The following HOPX variants were observed in gnomAD, a reference collection of about 807,000 sequenced individuals.
HOPX encodes homeodomain-only protein.
In HOPX, 5 loss-of-function variants were observed where a neutral mutation model predicts 11.8. That is an observed-to-expected ratio of 0.43 (90% CI 0.22 to 0.89). The LOEUF (loss-of-function observed/expected upper bound fraction) is 0.89, where lower values mean the gene tolerates loss of function less well. Among genes scored for constraint, HOPX ranks in the 40% least tolerant of loss-of-function variants. The probability of loss-of-function intolerance (pLI) is 0.28; values close to 1 mark genes in which losing one functional copy is unlikely to be tolerated. For synonymous variants in HOPX, 49 were observed against 49.7 expected, an observed-to-expected ratio of 0.99 and a Z score of 0.06; for missense variants, 119 against 120.0, an observed-to-expected ratio of 0.99 and a Z score of 0.04.
chr4:56,671,820 C>T (rs1021364950), intron 1 of HOPX, among the ~76,000 whole-genome samples: 4 of 152,070 alleles, frequency 2.6e-5, no homozygotes, highest in African/African-American at 9.7e-5. Context: ...TCAGAAGACC[C>T]GGAGTCTCCT....
intron 1 of HOPX, chr4:56,679,468 T>G (rs573448375): frequency 4.6e-5 from 7 of 151,344 alleles, no homozygotes; most frequent in Non-Finnish European, 8.8e-5. Flanking sequence ...ACCATGGATC[T>G]TCTTTCTTTC....
chr4:56,662,573 G>C (rs1490939646), intron 1 of HOPX: 1 of 151,252 alleles, frequency 6.6e-6, no homozygotes, highest in Admixed American at 6.6e-5. Flanking sequence ...TCCGCCCCCC[G>C]GGTTCAAGCG....
intron 1 of HOPX, chr4:56,679,631 C>G (rs1214693948): frequency 6.6e-6 from 1 of 152,198 alleles, no homozygotes; most frequent in Non-Finnish European, 1.5e-5. Context: ...GTGCCCACCA[C>G]CAAGCCCGCC....
chr4:56,671,897 TCATC>T (rs1718754862), intron 1 of HOPX, among the ~76,000 whole-genome samples: 2 of 152,102 alleles, frequency 1.3e-5, no homozygotes, highest in African/African-American at 4.8e-5. Flanking sequence ...GACGTCCATT[TCATC>T]ATCTACTATT....
In HOPX at chr4:56,648,021, T is replaced by C. The variant is rs1560357055; in HGVS notation, c.*699A>G. The stretch of plus-strand genomic sequence containing the variant: ...TCTTCAACAAAAAGTTAAGGTTTTA[T>C]TTAGAATATCATTTTAGAGACAAAA... On this transcript the variant is annotated 3_prime_UTR_variant, in exon 4 of 4. Coordinates refer to ENST00000420433, the MANE Select transcript of HOPX (RefSeq NM_032495.6). 1.3e-5 allele frequency: 2 copies of C among 152,216 alleles called. No individual in the cohort carries two copies. Among genetic ancestry groups the C allele is most frequent in the Non-Finnish European group, 2.9e-5 (2 of 68,044 alleles). 9.4% of individuals were successfully genotyped at this position (152,216 alleles called of 1,614,324 possible).
chr4:56,667,304 G>A (rs895145125), intron 1 of HOPX, among the ~76,000 whole-genome samples: 1 of 152,132 alleles, frequency 6.6e-6, no homozygotes, highest in Non-Finnish European at 1.5e-5. Flanking sequence ...TGGTGTTTTA[G>A]GACGTTAGAC....
intron 1 of HOPX, among the ~76,000 whole-genome samples, chr4:56,672,391 T>TAGCC (rs1169970082): frequency 6.6e-6 from 1 of 151,614 alleles, no homozygotes. Context: ...ATACAAAAAT[T>TAGCC]AGCCAGGCAT....
intron 1 of HOPX, chr4:56,678,798 T>G (rs567692422): frequency 6.6e-6 from 1 of 151,906 alleles, no homozygotes; most frequent in Admixed American, 6.6e-5. Flanking sequence ...CCACAACCAC[T>G]AGGTTAGATT....
At chr4:56,667,066 T>C (rs1718475710) in intron 1 of HOPX, among the ~76,000 whole-genome samples, 1 of 152,220 alleles carries the variant, frequency 6.6e-6, no homozygotes, top group African/African-American at 2.4e-5. Context: ...AAGGAACTGT[T>C]GAGGACTGTA....
intron 1 of HOPX, 74 bp downstream of exon 1, chr4:56,681,181 C>G: frequency 5.2e-6 from 5 of 966,746 alleles, no homozygotes; most frequent in Non-Finnish European, 6.1e-6. Context: ...AATACGGTAA[C>G]GATAGCATTT....
chr4:56,669,615 C>T (rs1382373643), intron 1 of HOPX, among the ~76,000 whole-genome samples: 1 of 151,762 alleles, frequency 6.6e-6, no homozygotes, highest in African/African-American at 2.4e-5. Context: ...GCCAAGATCA[C>T]ACCACTGCAC....
chr4:56,648,991 G>A (rs916512739), intron 3 of HOPX, 194 bp from the exon 4 acceptor site: 2 of 483,536 alleles, frequency 4.1e-6, no homozygotes, highest in African/African-American at 3.8e-5. Context: ...CCTATGTTTA[G>A]AATATTCTCT....
In HOPX at chr4:56,681,255, G is replaced by A. The variant is rs569710265; in HGVS notation, c.-84C>T. 2.3e-5 allele frequency: 23 copies of A among 985,316 alleles called. No individual in the cohort carries two copies. Among genetic ancestry groups the A allele is most frequent in the South Asian group, 1.4e-4 (3 of 21,280 alleles). The allele number at this position is 985,316 out of a possible 1,614,324, so 61.0% of individuals were successfully genotyped here. A position where few individuals can be genotyped will look rare whatever the true frequency, so the allele number is the denominator to read the frequency against. ...AGGCAGACCTTTGAAAGGTACTTAC[G>A]TGGAAGAGGCAAAGGCAAGCGCAAG... On this transcript the variant is annotated splice_region_variant and 5_prime_UTR_variant, in exon 1 of 4. Transcript: ENST00000420433.
chr4:56,650,580 C>T (rs1226210642), intron 3 of HOPX: 2 of 1,300,614 alleles, frequency 1.5e-6, no homozygotes, highest in African/African-American at 3.0e-5. Context: ...CACATCAATG[C>T]TAAGCAGGCT....
Position 56,648,389 on chromosome 4 carries a change from T to A in HOPX, c.*331A>T, listed in dbSNP as rs780311240. 8.7e-6 allele frequency: 2 copies of A among 228,926 alleles called. No individual in the cohort carries two copies. Among genetic ancestry groups the A allele is most frequent in the Non-Finnish European group, 1.7e-5 (2 of 118,452 alleles). 14.2% of individuals were successfully genotyped at this position (228,926 alleles called of 1,614,324 possible). On this transcript the variant is annotated 3_prime_UTR_variant, in exon 4 of 4. Transcript: ENST00000420433. ...GAGGCCTGGATTGCTAAATGGATTATGAAAGCAAATTGCTACTGGGAGGTG... is the reference window on the plus strand; with the variant it reads ...GAGGCCTGGATTGCTAAATGGATTAAGAAAGCAAATTGCTACTGGGAGGTG...
At chr4:56,650,821 G>C in intron 3 of HOPX, 2 of 1,538,378 alleles carry the variant, frequency 1.3e-6, no homozygotes, top group Non-Finnish European at 1.8e-6. Flanking sequence ...CCCTTCATGA[G>C]AAGAGAGAAC....
intron 1 of HOPX, among the ~76,000 whole-genome samples, chr4:56,678,195 C>T (rs1267045831): frequency 6.6e-6 from 1 of 151,370 alleles, no homozygotes; most frequent in African/African-American, 2.5e-5. Flanking sequence ...GCCTCTGTTG[C>T]TGTGTTCCCT....
At chr4:56,655,535 C>T (rs1029429514) in intron 3 of HOPX, among the ~76,000 whole-genome samples, 2 of 152,224 alleles carry the variant, frequency 1.3e-5, no homozygotes, top group Non-Finnish European at 1.5e-5. Flanking sequence ...GCTCCCAACT[C>T]GCAGAGGGAG....
At chr4:56,656,084 C>T in intron 2 of HOPX, 72 bp from the exon 3 acceptor site, 1 of 1,372,920 alleles carries the variant, frequency 7.3e-7, no homozygotes, top group Non-Finnish European at 9.4e-7. Flanking sequence ...GGAAGGCGGT[C>T]GCGGCGCCGC....
Sources: gnomAD v4.1 joint callset for allele counts (sites outside exome capture counted in the v4.1 genomes callset) on GRCh38, gnomAD v4.1.1 for gene constraint, MANE v1.5 for transcripts, NCBI Gene and HGNC (gene_info 2026-07-23, HGNC 2026-07-21) for gene names.